The following TRPV1 variants were observed in gnomAD, a reference collection of about 807,000 sequenced individuals.
TRPV1 encodes the protein OTRPC1.
Under a neutral mutation model 82.3 loss-of-function variants are expected in TRPV1, and 82 were observed. The observed-to-expected ratio is 1.00, with a 90% CI of 0.83 to 1.20. The LOEUF is 1.20. Among genes scored for constraint, TRPV1 ranks in the 50% most tolerant of loss-of-function variants. TRPV1 has a pLI of 0.00. For missense variants in TRPV1, 1,067 were observed against 1,096.8 expected (o/e 0.97, Z 0.38); for synonymous variants, 515 against 467.7 (o/e 1.10, Z -1.30).
At chr17:3,604,737 C>T (rs913220127) in intron 2 of TRPV1, among the ~76,000 whole-genome samples, 48 of 152,260 alleles carry the variant, frequency 3.2e-4, no homozygotes, top group African/African-American at 1.1e-3. Context: ...GGAAAAGCAG[C>T]GGCTGGTGGG....
intron 2 of TRPV1, 195 bp downstream of exon 2, chr17:3,608,230 CAA>C (rs1025000997): frequency 7.5e-6 from 1 of 133,060 alleles, no homozygotes; most frequent in Non-Finnish European, 1.7e-5. Context: ...AAAAAAAAGG[CAA>C]AAAAAACTAG....
intron 16 of TRPV1, among the ~76,000 whole-genome samples, chr17:3,570,268 A>G (rs548194885): frequency 1.2e-3 from 175 of 151,828 alleles, no homozygotes; most frequent in African/African-American, 4.1e-3. Context: ...TACTCGGGAG[A>G]CTGAGGCAGG....
intron 8 of TRPV1, 102 bp downstream of exon 8, chr17:3,588,086 C>T (rs78370906): frequency 7.1e-7 from 1 of 1,399,598 alleles, no homozygotes; most frequent in African/African-American, 1.4e-5. Context: ...GCGCAGCAGG[C>T]TTTCCCTCCT....
chr17:3,568,001 G>C (rs1225455059), intron 16 of TRPV1, among the ~76,000 whole-genome samples: 1 of 152,166 alleles, frequency 6.6e-6, no homozygotes, highest in Non-Finnish European at 1.5e-5. Flanking sequence ...GATGTAGGAT[G>C]TCACTAAATC....
At chr17:3,574,917 CAAA>C (rs55990804) in intron 13 of TRPV1, among the ~76,000 whole-genome samples, 11 of 82,932 alleles carry the variant, frequency 1.3e-4, no homozygotes, top group African/African-American at 2.3e-4. Context: ...GACTCTATCT[CAAA>C]AAAAAAAAAA....
chr17:3,590,425 C>T, intron 5 of TRPV1, 33 bp from the exon 6 acceptor site: 1 of 1,607,004 alleles, frequency 6.2e-7, no homozygotes, highest in Non-Finnish European at 8.5e-7. Flanking sequence ...GCTTCGTGGT[C>T]ACGGTCCTGT....
rs1292764575 is a variant in TRPV1 at position 3,577,457 on chromosome 17, G to C, written c.1713+141C>G. On this transcript the variant is annotated intron_variant, in intron 12 of 16. Coordinates refer to ENST00000572705, the MANE Select transcript of TRPV1 (RefSeq NM_080704.4). ...TACCTGGGTCAGGGCCAGATTGCTT[G>C]ATTCTTGGAAAATAGGCTGGGGGGT... The C allele has an allele frequency of 6.7e-6, 8 of 1,188,052 alleles. No homozygotes were observed. In the East Asian group the frequency reaches 2.1e-4, roughly 31 times the overall value. 73.6% of individuals were successfully genotyped at this position (1,188,052 alleles called of 1,614,324 possible). A position where few individuals can be genotyped will look rare whatever the true frequency, so the allele number is the denominator to read the frequency against.
At chr17:3,580,756 C>G (rs2074997777) in intron 10 of TRPV1, among the ~76,000 whole-genome samples, 1 of 152,230 alleles carries the variant, frequency 6.6e-6, no homozygotes, top group Non-Finnish European at 1.5e-5. Flanking sequence ...GTGGCTCACG[C>G]CTGTCATCCC....
At position 3,591,032 on chromosome 17, in the gene TRPV1, T is replaced by C. The variant is rs569272482; in HGVS notation, c.536A>G (p.Glu179Gly). The change falls in exon 5 of 17, where the codon GAG (glutamate) becomes GGG (glycine). Residue 179 changes from glutamate to glycine, a missense_variant. By Grantham distance (98) the Glu-to-Gly change is moderately conservative. Transcript: ENST00000572705. ...CAGGCTGTCCGTTTGCCGCGCGATCTCCAGGAGCAGGGGGATGGTGGTGTT... is the reference window on the plus strand; with the variant it reads ...CAGGCTGTCCGTTTGCCGCGCGATCCCCAGGAGCAGGGGGATGGTGGTGTT... ...GQNTTIPLLL[E>G]IARQTDSLKE... is the part of the protein sequence containing the mutation. The C allele has an allele frequency of 6.2e-7, 1 of 1,612,602 alleles. No individual in the cohort carries two copies. The highest frequency in any genetic ancestry group is 1.1e-5 in the South Asian group (1 of 90,676).
Position 3,566,105 on chromosome 17 carries a change from G to C in TRPV1, c.*710C>G, listed in dbSNP as rs1439322451. The C allele has an allele frequency of 6.6e-6, 1 of 151,972 alleles. No homozygotes were observed. Among genetic ancestry groups the C allele is most frequent in the Non-Finnish European group, 1.5e-5 (1 of 68,090 alleles). 9.4% of individuals were successfully genotyped at this position (151,972 alleles called of 1,614,324 possible). A position where few individuals can be genotyped will look rare whatever the true frequency, so the allele number is the denominator to read the frequency against. On this transcript the variant is annotated 3_prime_UTR_variant, in exon 17 of 17. Coordinates refer to ENST00000572705, the MANE Select transcript of TRPV1 (RefSeq NM_080704.4). ...AAGAATCGCTTGAACCCGGGAGGCAGAAGTTGCAGTGAGCCAAGATCACAC... is the reference window on the plus strand; with the variant it reads ...AAGAATCGCTTGAACCCGGGAGGCACAAGTTGCAGTGAGCCAAGATCACAC...
rs553742252 is a variant in TRPV1 at position 3,581,996 on chromosome 17, C to T, written c.1476+1342G>A. The stretch of plus-strand genomic sequence containing the variant: ...ACGAGGTCAGGAGATCGAGACCATC[C>T]TGGCTAACACGGTGAAACCCCGTCT... On this transcript the variant is annotated intron_variant, in intron 10 of 16. Transcript: ENST00000572705. 2.5e-3 allele frequency among the ~76,000 whole-genome samples: 372 copies of T among 147,132 alleles called. 3 individuals carry two copies. Among genetic ancestry groups the T allele is most frequent in the Middle Eastern group, 0.011 (3 of 282 alleles).
chr17:3,585,491 G>A, intron 9 of TRPV1: 1 of 386,010 alleles, frequency 2.6e-6, no homozygotes, highest in Non-Finnish European at 4.8e-6. Context: ...TCTACAATCA[G>A]GGACCTGAGT....
intron 7 of TRPV1, among the ~76,000 whole-genome samples, 162 bp from the exon 8 acceptor site, chr17:3,588,529 C>A (rs1443095657): frequency 1.3e-5 from 2 of 152,114 alleles, no homozygotes; most frequent in African/African-American, 4.8e-5. Flanking sequence ...ACCAGCCGGC[C>A]GGGCACGGGT....
At chr17:3,589,301 A>G (rs1361870516) in intron 7 of TRPV1, among the ~76,000 whole-genome samples, 1 of 151,276 alleles carries the variant, frequency 6.6e-6, no homozygotes, top group East Asian at 1.9e-4. Context: ...CCGCCTCCCA[A>G]GTTCAAGTGA....
In TRPV1 at chr17:3,573,866, GGGGCCTGCAGGCAGGC is replaced by G; in HGVS notation, c.1854_1869del (p.Ala620IlefsTer44). On this transcript the variant is annotated frameshift_variant, in exon 14 of 17. Transcript: ENST00000572705. LOFTEE classifies it high-confidence loss of function. ...TACAGGCTGTTGTAGGAGCTATCGG[GGGGCCTGCAGGCAGGC>G]CCCCGCCACCTGTGCGACGTGGACT... is the stretch of plus-strand genomic sequence containing the variant. The G allele has an allele frequency of 6.2e-7, 1 of 1,612,300 alleles. No individual in the cohort carries two copies. Among genetic ancestry groups the G allele is most frequent in the Admixed American group, 1.7e-5 (1 of 59,782 alleles).
chr17:3,572,993 A>G (rs1352573051), intron 14 of TRPV1, among the ~76,000 whole-genome samples: 2 of 151,558 alleles, frequency 1.3e-5, no homozygotes, highest in Non-Finnish European at 2.9e-5. Context: ...AGAAAAAAAA[A>G]AAAAAAAAAA....
intron 16 of TRPV1, 75 bp from the exon 17 acceptor site, chr17:3,567,062 TA>T: frequency 1.9e-6 from 3 of 1,541,000 alleles, no homozygotes; most frequent in Non-Finnish European, 1.8e-6. Flanking sequence ...AGTCTCCAGA[TA>T]AAAGGAGGTC....
intron 2 of TRPV1, chr17:3,602,291 C>T (rs1346262474): frequency 6.6e-6 from 1 of 152,242 alleles, no homozygotes; most frequent in Admixed American, 6.5e-5. Context: ...CTCTCGTGCC[C>T]TCCCCTCTCT....
rs750012874 is a variant in TRPV1 at position 3,577,752 on chromosome 17, G to A, written c.1559C>T (p.Ser520Leu). The A allele has an allele frequency of 1.9e-6, 3 of 1,592,208 alleles. No individual in the cohort carries two copies. The African/African-American group carries it at 4.0e-5, about 21-fold the overall frequency. ...CACCACGGTGGCCAGCATGAACAGT[G>A]ACTGCAGAAAGCTGCGGGTGGAGGG... ...SYSEMLFFLQSLFMLATVVLY... is the reference protein window; with the variant it reads ...SYSEMLFFLQLLFMLATVVLY... The change falls in exon 12 of 17, where the codon TCA becomes TTA. Residue 520 changes from serine to leucine, a missense_variant. Transcript: ENST00000572705.
Sources: allele counts gnomAD v4.1 joint callset (sites outside exome capture counted in the v4.1 genomes callset), GRCh38; gene constraint gnomAD v4.1.1; transcripts MANE v1.5; gene names NCBI Gene and HGNC (gene_info 2026-07-23, HGNC 2026-07-21).